Variants in CCN4 observed in about 807,000 individuals in gnomAD.
CCN4 encodes cellular communication network factor 4, also known as CCN family member 4.
CCN4 carries 30 observed loss-of-function variants against 36.7 expected under a neutral mutation model. The observed-to-expected ratio is 0.82, with a 90% confidence interval of 0.61 to 1.11. The LOEUF is 1.11. Ranked by LOEUF, CCN4 falls within the 50% of genes least tolerant of loss-of-function variation. The pLI, the probability that CCN4 is intolerant of heterozygous loss-of-function variation, is 0.00. For synonymous variants in CCN4, 191 were observed against 195.4 expected, an observed-to-expected ratio of 0.98 and a Z score of 0.19; for missense variants, 505 against 504.9, an observed-to-expected ratio of 1.00 and a Z score of 0.00.
chr8:133,212,824 G>A, intron 1 of CCN4, 40 bp from the exon 2 acceptor site: 6 of 1,474,550 alleles, frequency 4.1e-6, no homozygotes, highest in Non-Finnish European at 5.5e-6. Context: ...TGAAACCCCT[G>A]TCTCAGCAGC....
At chr8:133,206,700 G>T (rs1253629066) in intron 1 of CCN4, among the ~76,000 whole-genome samples, 1 of 152,176 alleles carries the variant, frequency 6.6e-6, no homozygotes, top group Non-Finnish European at 1.5e-5. Context: ...ATGCTCAGGG[G>T]ATGAGCTGCC....
chr8:133,206,910 C>G (rs1271621801), intron 1 of CCN4, among the ~76,000 whole-genome samples: 1 of 152,144 alleles, frequency 6.6e-6, no homozygotes, highest in East Asian at 1.9e-4. Context: ...ATGCCACCGG[C>G]CCAGGAGGAG....
chr8:133,205,766 G>T (rs1027137648), intron 1 of CCN4, among the ~76,000 whole-genome samples: 21 of 152,168 alleles, frequency 1.4e-4, no homozygotes, highest in African/African-American at 5.1e-4. Context: ...CAGAAGGAAA[G>T]CACTATTTTT....
At chr8:133,210,592 C>A (rs928879752) in intron 1 of CCN4, among the ~76,000 whole-genome samples, 1 of 152,114 alleles carries the variant, frequency 6.6e-6, no homozygotes, top group Non-Finnish European at 1.5e-5. Context: ...GCCCACAGAG[C>A]CTTCCTCCCT....
intron 1 of CCN4, 27 bp downstream of exon 1, chr8:133,191,240 G>A (rs758816651): frequency 3.8e-6 from 6 of 1,597,622 alleles, no homozygotes; most frequent in South Asian, 2.2e-5. Context: ...GGGGCTCAGA[G>A]GGAGACCCAG....
chr8:133,223,928 A>T (rs553313606), intron 3 of CCN4, among the ~76,000 whole-genome samples: 1 of 152,194 alleles, frequency 6.6e-6, no homozygotes, highest in Non-Finnish European at 1.5e-5. Context: ...CGGGAGATAC[A>T]TGCATCAATA....
intron 1 of CCN4, among the ~76,000 whole-genome samples, chr8:133,207,761 G>A (rs1853833084): frequency 6.6e-6 from 1 of 152,188 alleles, no homozygotes; most frequent in East Asian, 1.9e-4. Flanking sequence ...CTGTGAGTTT[G>A]TGCATGCAGG....
At chr8:133,191,819 AG>A (rs141005690) in intron 1 of CCN4, among the ~76,000 whole-genome samples, 2,693 of 152,332 alleles carry the variant, frequency 0.018, 76 homozygotes, top group African/African-American at 0.062. Context: ...TGCAGTCTGC[AG>A]AGTGTCCATA....
rs1853129331 is a variant in CCN4, at chr8:133,191,947, G to A, written c.69+734G>A. Among the ~76,000 whole-genome samples, 3 of 152,158 alleles carry A rather than the reference G, an allele frequency of 2.0e-5. No individual in the cohort carries two copies. In the South Asian group the frequency reaches 6.2e-4, roughly 32 times the overall value. On this transcript the variant is annotated intron_variant, in intron 1 of 4. Transcript: ENST00000250160. ...CACCAAGGGGAAGGGACAAAGGTCT[G>A]CACCTCCAAAAGCCAGGGGAGTCAC...
intron 4 of CCN4, among the ~76,000 whole-genome samples, chr8:133,226,137 G>A (rs1383363375): frequency 1.3e-5 from 2 of 152,172 alleles, no homozygotes; most frequent in Non-Finnish European, 2.9e-5. Flanking sequence ...AGAAAATTGG[G>A]CCACATTAGT....
chr8:133,215,845 G>A (rs920468380), intron 2 of CCN4, among the ~76,000 whole-genome samples: 3 of 152,206 alleles, frequency 2.0e-5, no homozygotes, highest in Non-Finnish European at 2.9e-5. Flanking sequence ...AGGAGCTATA[G>A]AAATTCTCAG....
Position 133,191,204 on chromosome 8 carries a change from C to G in CCN4, c.60C>G (p.Val20=), listed in dbSNP as rs1456034169. The G allele has an allele frequency of 6.2e-7, 1 of 1,606,074 alleles. No individual in the cohort carries two copies. The highest frequency in any genetic ancestry group is 1.3e-5 in the African/African-American group (1 of 74,890). Residue 20 remains valine, a synonymous_variant, in exon 1 of 5, where the codon GTC becomes GTG. Coordinates refer to ENST00000250160, the MANE Select transcript of CCN4 (RefSeq NM_003882.4). ...TGACAGCAGCAGCCGCCAGCACCGT[C>G]CTGGCCACGGTGAGTCCTGCCTGGA... ...AAVTAAAAST[V]LATALSPAPT...
In CCN4 at chr8:133,220,708, A is replaced by C. The variant is rs770530756; in HGVS notation, c.477A>C (p.Arg159=). The change falls in exon 3 of 5, where the codon CGA becomes CGC. Residue 159 remains arginine (R), a synonymous_variant. Coordinates refer to ENST00000250160, the MANE Select transcript of CCN4 (RefSeq NM_003882.4). ...GAVGCTPLCL[R]VRPPRLWCPH... ...TGGGCTGCACACCACTGTGCCTCCG[A>C]GTGCGCCCCCCGCGTCTCTGGTGCC... 6 of 1,613,670 alleles carry C rather than the reference A, an allele frequency of 3.7e-6. No homozygotes were observed. Among genetic ancestry groups the C allele is most frequent in the Admixed American group, 1.7e-5 (1 of 60,006 alleles).
chr8:133,210,877 G>C (rs1463102503), intron 1 of CCN4, among the ~76,000 whole-genome samples: 1 of 152,230 alleles, frequency 6.6e-6, no homozygotes, highest in African/African-American at 2.4e-5. Context: ...GGGGCCCCAG[G>C]TGAAAAAGAT....
intron 3 of CCN4, among the ~76,000 whole-genome samples, chr8:133,224,605 C>T (rs1854659130): frequency 6.6e-6 from 1 of 152,138 alleles, no homozygotes; most frequent in Non-Finnish European, 1.5e-5. Flanking sequence ...CCCAAATAAA[C>T]TTTCTCTCTG....
Position 133,192,511 on chromosome 8 carries a change from G to C in CCN4, c.69+1298G>C, listed in dbSNP as rs1392949007. Among the ~76,000 whole-genome samples, 2 of 152,194 alleles carry C rather than the reference G, an allele frequency of 1.3e-5. 1 individual carries two copies. Among genetic ancestry groups the C allele is most frequent in the Middle Eastern group, 6.3e-3 (2 of 316 alleles). ...GAGAGCAAGTAAAGGACTTGCCCAGGAGCTCCTCATTAATAAGTGGCCAGG... is the reference window on the plus strand; with the variant it reads ...GAGAGCAAGTAAAGGACTTGCCCAGCAGCTCCTCATTAATAAGTGGCCAGG... On this transcript the variant is annotated intron_variant, in intron 1 of 4. Transcript: ENST00000250160.
chr8:133,207,153 G>A (rs1853809099), intron 1 of CCN4, among the ~76,000 whole-genome samples: 1 of 152,238 alleles, frequency 6.6e-6, no homozygotes, highest in South Asian at 2.1e-4. Flanking sequence ...AAGACTCACC[G>A]GCTCTCCAGG....
In CCN4 at chr8:133,231,123, G is replaced by A. The variant is rs16904859; in HGVS notation, c.*3413G>A. ...CAGAATTATCAAAGATAGTAGATTC[G>A]AATGACATGATTGTCTATAATCTCG... On this transcript the variant is annotated 3_prime_UTR_variant, in exon 5 of 5. Coordinates refer to ENST00000250160, the MANE Select transcript of CCN4 (RefSeq NM_003882.4). 172 of 152,244 alleles carry A rather than the reference G, an allele frequency of 1.1e-3. 1 individual carries two copies. The highest frequency in any genetic ancestry group is 4.0e-3 in the African/African-American group (168 of 41,520). The allele number at this position is 152,244 out of a possible 1,614,324, so 9.4% of individuals were successfully genotyped here.
chr8:133,193,538 G>A (rs779232165), intron 1 of CCN4, among the ~76,000 whole-genome samples: 5 of 152,156 alleles, frequency 3.3e-5, no homozygotes, highest in Non-Finnish European at 4.4e-5. Context: ...GAGCATGTCC[G>A]CCATGTGCTA....
Sources: gnomAD v4.1 joint callset for allele counts (sites outside exome capture counted in the v4.1 genomes callset) on GRCh38, gnomAD v4.1.1 for gene constraint, MANE v1.5 for transcripts, NCBI Gene and HGNC (gene_info 2026-07-23, HGNC 2026-07-21) for gene names.